Variants in ZNF804B observed in about 807,000 individuals in gnomAD.
The protein encoded by ZNF804B is zinc finger 804B.
ZNF804B carries 80 observed loss-of-function variants against 101.4 expected under a neutral mutation model. The observed-to-expected ratio is 0.79, with a 90% confidence interval of 0.66 to 0.95. The LOEUF (loss-of-function observed/expected upper bound fraction) is 0.95, where lower values mean the gene tolerates loss of function less well. Among genes scored for constraint, ZNF804B ranks in the 40% least tolerant of loss-of-function variants. The pLI, the probability that ZNF804B is intolerant of heterozygous loss-of-function variation, is 0.00. For synonymous variants in ZNF804B, 622 were observed against 558.8 expected (o/e 1.11, Z -1.59); for missense variants, 1,673 against 1,561.9 (o/e 1.07, Z -1.20).
intron 1 of ZNF804B, among the ~76,000 whole-genome samples, chr7:89,137,962 A>G (rs1301164533): frequency 2.0e-5 from 3 of 152,120 alleles, no homozygotes; most frequent in African/African-American, 7.2e-5. Flanking sequence ...AGCCATGACT[A>G]AAAGGGCCAA....
At chr7:89,104,873 T>C (rs1362868288) in intron 1 of ZNF804B, among the ~76,000 whole-genome samples, 1 of 152,080 alleles carries the variant, frequency 6.6e-6, no homozygotes, top group Non-Finnish European at 1.5e-5. Context: ...AATCAAATAC[T>C]TATCTGTGAT....
At chr7:89,108,518 G>A (rs1790168895) in intron 1 of ZNF804B, among the ~76,000 whole-genome samples, 1 of 152,076 alleles carries the variant, frequency 6.6e-6, no homozygotes, top group South Asian at 2.1e-4. Context: ...TATTATTCTA[G>A]AATGATTTCA....
At chr7:89,188,813 G>C (rs1788413291) in intron 1 of ZNF804B, among the ~76,000 whole-genome samples, 1 of 152,098 alleles carries the variant, frequency 6.6e-6, no homozygotes, top group South Asian at 2.1e-4. Context: ...GGAGAGGTGA[G>C]GAAGCTGTAG....
intron 1 of ZNF804B, among the ~76,000 whole-genome samples, chr7:88,898,237 C>T (rs550255602): frequency 6.6e-6 from 1 of 151,842 alleles, no homozygotes; most frequent in African/African-American, 2.4e-5. Flanking sequence ...CAGGCGCCCG[C>T]CACCACGCCC....
intron 1 of ZNF804B, among the ~76,000 whole-genome samples, chr7:88,855,656 GT>G (rs1236342364): frequency 6.6e-6 from 1 of 152,198 alleles, no homozygotes; most frequent in Non-Finnish European, 1.5e-5. Context: ...TGCTTTTGGT[GT>G]TTTGGACATG....
chr7:89,059,336 G>A (rs538532643), intron 1 of ZNF804B, among the ~76,000 whole-genome samples: 26 of 152,292 alleles, frequency 1.7e-4, no homozygotes, highest in African/African-American at 6.3e-4. Flanking sequence ...GGCTGTACAG[G>A]AAGTGTGGCG....
At chr7:89,319,268 A>T (rs1265615054) in intron 2 of ZNF804B, among the ~76,000 whole-genome samples, 5 of 152,208 alleles carry the variant, frequency 3.3e-5, no homozygotes, top group African/African-American at 1.2e-4. Context: ...TCAAAAATAA[A>T]TAATTAATTA....
chr7:89,088,688 A>C (rs555999300), intron 1 of ZNF804B, among the ~76,000 whole-genome samples: 1 of 144,022 alleles, frequency 6.9e-6, no homozygotes, highest in Admixed American at 6.9e-5. Flanking sequence ...TTGGGAGCAA[A>C]CCCCCTGTCA....
At chr7:88,844,081 C>G (rs981857936) in intron 1 of ZNF804B, among the ~76,000 whole-genome samples, 1 of 152,046 alleles carries the variant, frequency 6.6e-6, no homozygotes, top group East Asian at 1.9e-4. Context: ...TAATATTTTG[C>G]AAATTTGTTT....
chr7:88,805,262 A>G (rs1452669892), intron 1 of ZNF804B, among the ~76,000 whole-genome samples: 1 of 152,202 alleles, frequency 6.6e-6, no homozygotes, highest in African/African-American at 2.4e-5. Flanking sequence ...GAACTTTAAA[A>G]TGTATTTCTT....
intron 1 of ZNF804B, among the ~76,000 whole-genome samples, chr7:89,115,347 A>G (rs530992807): frequency 6.6e-6 from 1 of 152,348 alleles, no homozygotes; most frequent in East Asian, 1.9e-4. Flanking sequence ...AACATCTACA[A>G]CAAGTGTATA....
chr7:88,870,501 C>T (rs1791806896), intron 1 of ZNF804B, among the ~76,000 whole-genome samples: 1 of 151,776 alleles, frequency 6.6e-6, no homozygotes, highest in Non-Finnish European at 1.5e-5. Flanking sequence ...ACTGCATCAG[C>T]TGACATTGAA....
chr7:89,276,736 A>G (rs1789986874), intron 2 of ZNF804B, among the ~76,000 whole-genome samples: 1 of 151,916 alleles, frequency 6.6e-6, no homozygotes, highest in African/African-American at 2.4e-5. Flanking sequence ...ACTACATTTT[A>G]AATAACATTA....
chr7:89,148,459 A>G (rs1790822511), intron 1 of ZNF804B, among the ~76,000 whole-genome samples: 1 of 152,102 alleles, frequency 6.6e-6, no homozygotes, highest in African/African-American at 2.4e-5. Context: ...ATTCTCTTGG[A>G]AAATTCCATG....
At chr7:89,315,902 G>A (rs38947) in intron 2 of ZNF804B, among the ~76,000 whole-genome samples, 16,560 of 152,074 alleles carry the variant, frequency 0.11, 930 homozygotes, top group Non-Finnish European at 0.12. Flanking sequence ...TCTTTGTCTT[G>A]TGAAAACACT....
chr7:89,321,464 G>T (rs1268450966), intron 2 of ZNF804B, among the ~76,000 whole-genome samples: 2 of 152,070 alleles, frequency 1.3e-5, no homozygotes, highest in South Asian at 2.1e-4. Context: ...GGGCAACAGA[G>T]CGAGACCCCA....
chr7:88,836,729 T>C (rs1791219993), intron 1 of ZNF804B, among the ~76,000 whole-genome samples: 1 of 151,834 alleles, frequency 6.6e-6, no homozygotes, highest in African/African-American at 2.4e-5. Context: ...TCTCTCTCTA[T>C]GCAATTCGCT....
At chr7:88,924,141 A>T (rs954273341) in intron 1 of ZNF804B, among the ~76,000 whole-genome samples, 7 of 152,074 alleles carry the variant, frequency 4.6e-5, no homozygotes, top group African/African-American at 1.7e-4. Context: ...TACCTTCATA[A>T]ATGGCTGTAG....
At chr7:88,894,696 G>T (rs938703305) in intron 1 of ZNF804B, among the ~76,000 whole-genome samples, 1 of 152,066 alleles carries the variant, frequency 6.6e-6, no homozygotes, top group Non-Finnish European at 1.5e-5. Context: ...GAGCTGTGAA[G>T]CCTCAAAAAG....
Sources: allele counts gnomAD v4.1 joint callset (sites outside exome capture counted in the v4.1 genomes callset), GRCh38; gene constraint gnomAD v4.1.1; transcripts MANE v1.5; gene names NCBI Gene and HGNC (gene_info 2026-07-23, HGNC 2026-07-21).